The following DYSF variants were observed in gnomAD, a reference collection of about 807,000 sequenced individuals.
The protein encoded by DYSF is dysferlin, also known as dystrophy-associated fer-1-like 1.
In DYSF, 212 loss-of-function variants were observed where a neutral mutation model predicts 274.9. The observed-to-expected ratio is 0.77, with a 90% CI of 0.69 to 0.86. The LOEUF (loss-of-function observed/expected upper bound fraction) is 0.86, where lower values mean the gene tolerates loss of function less well. DYSF is among the 40% of genes least tolerant of loss of function. The probability of loss-of-function intolerance (pLI) is 0.00; values close to 1 mark genes in which losing one functional copy is unlikely to be tolerated. For synonymous variants in DYSF, 1,091 were observed against 1,078.7 expected (o/e 1.01, Z -0.22); for missense variants, 2,666 against 2,783.2 (o/e 0.96, Z 0.95).
chr2:71,594,854 C>T (rs1348268107), intron 32 of DYSF, among the ~76,000 whole-genome samples: 3 of 152,208 alleles, frequency 2.0e-5, no homozygotes, highest in Admixed American at 6.5e-5. Context: ...GTATACTCCA[C>T]TATTAAGTAG....
chr2:71,561,240 G>A (rs987764196), intron 22 of DYSF, among the ~76,000 whole-genome samples: 6 of 152,210 alleles, frequency 3.9e-5, no homozygotes, highest in African/African-American at 1.4e-4. Flanking sequence ...ATACATCTGA[G>A]CTGCTGGCCT....
In DYSF at chr2:71,682,518, T is replaced by G. The variant is rs760257417; in HGVS notation, c.6174-12T>G. On this transcript the variant is annotated splice_polypyrimidine_tract_variant and intron_variant, in intron 54 of 55. Transcript: ENST00000410020. ...AAGGATGCCCAGTTGACCTCCGGGA[T>G]CTCGCTTCCAGGCGCCCCGACACCT... is the stretch of plus-strand genomic sequence containing the variant. 25 of 1,613,932 alleles carry G rather than the reference T, an allele frequency of 1.5e-5. No homozygotes were observed. Among genetic ancestry groups the G allele is most frequent in the Non-Finnish European group, 2.0e-5 (24 of 1,180,000 alleles).
intron 41 of DYSF, among the ~76,000 whole-genome samples, chr2:71,622,152 G>C (rs1379267097): frequency 5.0e-3 from 90 of 17,892 alleles, no homozygotes; most frequent in Middle Eastern, 0.036. Context: ...TTTTTGTTAC[G>C]CCCAGGTACA....
At chr2:71,580,166 C>T (rs2092838549) in intron 30 of DYSF, among the ~76,000 whole-genome samples, 1 of 152,256 alleles carries the variant, frequency 6.6e-6, no homozygotes, top group Non-Finnish European at 1.5e-5. Context: ...AGGCCTCTGC[C>T]CTGGGCAGGC....
intron 41 of DYSF, among the ~76,000 whole-genome samples, chr2:71,640,937 C>T (rs2094476154): frequency 6.6e-6 from 1 of 152,126 alleles, no homozygotes; most frequent in East Asian, 1.9e-4. Flanking sequence ...AGATCTTTTC[C>T]ACTTTCTTTT....
intron 52 of DYSF, among the ~76,000 whole-genome samples, chr2:71,676,324 T>TA (rs35166295): frequency 2.6e-5 from 4 of 151,686 alleles, no homozygotes; most frequent in African/African-American, 4.8e-5. Context: ...CACTGTACAT[T>TA]AAAAAAAAAT....
intron 21 of DYSF, 90 bp downstream of exon 21, chr2:71,554,021 T>C (rs527416767): frequency 5.7e-6 from 9 of 1,584,872 alleles, no homozygotes; most frequent in Admixed American, 1.7e-5. Context: ...CACCCACTGG[T>C]GCACACACTG....
rs765549518 is a variant in DYSF at position 71,598,687 on chromosome 2, C to T, written c.3698C>T (p.Ala1233Val). The change falls in exon 33 of 56, where the codon GCC (alanine) becomes GTC (valine). Residue 1233 changes from alanine (A) to valine (V), a missense_variant. Around this residue, in one of 3 missense-constraint regions of DYSF, gnomAD observed 1,460 missense variants for 1,502.1 expected, o/e 0.97. Transcript: ENST00000410020. Reference protein sequence around the residue: ...FYEIEIFGEPATVAEQPPSIV... With the variant: ...FYEIEIFGEPVTVAEQPPSIV... ...GAGATCGAGATCTTTGGCGAGCCGG[C>T]CACAGTTGCTGAGCAACCGCCCAGC... 6.2e-7 allele frequency: 1 copy of T among 1,614,008 alleles called. No homozygotes were observed. The highest frequency in any genetic ancestry group is 8.5e-7 in the Non-Finnish European group (1 of 1,180,048).
At chr2:71,631,468 C>T (rs1574471390) in intron 41 of DYSF, among the ~76,000 whole-genome samples, 1 of 152,300 alleles carries the variant, frequency 6.6e-6, no homozygotes, top group East Asian at 1.9e-4. Context: ...TGAAGCCTGG[C>T]CTCCCCCCAC....
intron 42 of DYSF, among the ~76,000 whole-genome samples, chr2:71,650,991 C>A (rs889417786): frequency 6.6e-6 from 1 of 151,842 alleles, no homozygotes; most frequent in East Asian, 1.9e-4. Context: ...TACAGAATGC[C>A]GGGAAAATGA....
chr2:71,589,551 G>A (rs2093186953), intron 30 of DYSF, 42 bp from the exon 31 acceptor site: 2 of 1,569,114 alleles, frequency 1.3e-6, no homozygotes, highest in South Asian at 1.1e-5. Context: ...CCACCCCCAG[G>A]CCTGGGGGCA....
At chr2:71,666,528 A>G (rs1269729588) in intron 47 of DYSF, among the ~76,000 whole-genome samples, 1 of 152,260 alleles carries the variant, frequency 6.6e-6, no homozygotes, top group Non-Finnish European at 1.5e-5. Flanking sequence ...TGTGTCCACC[A>G]TCAGCTCCCA....
rs552271096 is a variant in DYSF at position 71,615,031 on chromosome 2, G to C, written c.4464+1621G>C. The stretch of plus-strand genomic sequence containing the variant: ...CCATGGGCCTGTCTGAGATTGTGCA[G>C]GGAAGTGCAGGGCCTGCCCAGCAGG... On this transcript the variant is annotated intron_variant, in intron 40 of 55. Transcript: ENST00000410020. This position sits in a 1 kb window ranked among gnomAD's most constrained non-coding sequence, Gnocchi z 4.9. Among the ~76,000 whole-genome samples, 143 of 152,302 alleles carry C rather than the reference G, an allele frequency of 9.4e-4. No homozygotes were observed. Among genetic ancestry groups the C allele is most frequent in the African/African-American group, 3.2e-3 (135 of 41,560 alleles).
In DYSF at chr2:71,455,786, C is replaced by G. The variant is rs114562433; in HGVS notation, c.88+1700C>G. Among the ~76,000 whole-genome samples the G allele has an allele frequency of 5.8e-3, 886 of 152,206 alleles. 12 individuals are homozygous for G. Among genetic ancestry groups the G allele is most frequent in the African/African-American group, 0.02 (849 of 41,524 alleles). On this transcript the variant is annotated intron_variant, in intron 1 of 54. Transcript: ENST00000258104. ...AAATGTACACTCAGCTGCAGCAGCC[C>G]CTGCTGTCAGGGGCTTTGTTTCTGG...
chr2:71,560,780 G>A (rs984048560), intron 22 of DYSF, among the ~76,000 whole-genome samples: 2 of 152,168 alleles, frequency 1.3e-5, no homozygotes, highest in African/African-American at 4.8e-5. Flanking sequence ...GCAGGGAGGG[G>A]AGGTGGGGGG....
chr2:71,592,290 A>G (rs946323855), intron 32 of DYSF, among the ~76,000 whole-genome samples: 2 of 152,174 alleles, frequency 1.3e-5, no homozygotes, highest in East Asian at 3.9e-4. Flanking sequence ...GGGCAGTGGC[A>G]CTGGTCTGCG....
intron 1 of DYSF, among the ~76,000 whole-genome samples, chr2:71,471,633 T>A (rs1273585779): frequency 6.6e-6 from 1 of 152,154 alleles, no homozygotes; most frequent in Non-Finnish European, 1.5e-5. Flanking sequence ...AGTAATCCCA[T>A]CATAGATTTT....
In DYSF at chr2:71,656,211, A is replaced by G; in HGVS notation, c.4676A>G (p.Asp1559Gly). The G allele has an allele frequency of 6.2e-7, 1 of 1,614,126 alleles. No individual in the cohort carries two copies. The highest frequency in any genetic ancestry group is 8.5e-7 in the Non-Finnish European group (1 of 1,180,024). The change falls in exon 43 of 56, where the codon GAC (aspartate) becomes GGC (glycine). Residue 1559 changes from aspartate to glycine, a missense_variant. Asp to Gly is a moderately conservative substitution (Grantham distance 94). Coordinates refer to ENST00000410020, the MANE Select transcript of DYSF (RefSeq NM_001130987.2). ...ENVEAFEGLS[D>G]FCNTFKLYRG... ...GTGGAGGCCTTTGAGGGCCTGTCTG[A>G]CTTTTGTAACACCTTCAAGCTGTAC...
At chr2:71,592,727 C>T (rs1195404978) in intron 32 of DYSF, among the ~76,000 whole-genome samples, 1 of 152,246 alleles carries the variant, frequency 6.6e-6, no homozygotes, top group African/African-American at 2.4e-5. Flanking sequence ...CCCAGTGCCT[C>T]TGACCTGTGG....
Sources: gnomAD v4.1 joint callset for allele counts (sites outside exome capture counted in the v4.1 genomes callset) on GRCh38, gnomAD v4.1.1 for gene constraint, gnomAD v4.1.1 regional missense constraint, Gnocchi (gnomAD v3.1) non-coding constraint, MANE v1.5 for transcripts, NCBI Gene and HGNC (gene_info 2026-07-23, HGNC 2026-07-21) for gene names.